Variants in CACNA2D2 observed in about 807,000 individuals in gnomAD.
CACNA2D2 encodes the protein calcium voltage-gated channel auxiliary subunit alpha2delta 2, also known as voltage-dependent calcium channel subunit alpha-2/delta-2.
A neutral mutation model predicts 166.4 loss-of-function variants in CACNA2D2; 48 were observed. The ratio of observed to expected loss-of-function variants is 0.29; its 90% CI spans 0.23 to 0.37. The LOEUF is 0.37. CACNA2D2 is among the 10% of genes least tolerant of loss of function. The pLI is 1.00. For missense variants in CACNA2D2, 1,122 were observed against 1,433.0 expected, an observed-to-expected ratio of 0.78 and a Z score of 3.50; for synonymous variants, 561 against 573.7, an observed-to-expected ratio of 0.98 and a Z score of 0.32.
At position 50,364,075 on chromosome 3, in the gene CACNA2D2, T is replaced by C. The variant is rs1704077199; in HGVS notation, c.*591A>G. ...CCATCCTCAATGTTCCAGGTGTATA[T>C]GGGGTAGTGTCTGAACTGGTATCAC... On this transcript the variant is annotated 3_prime_UTR_variant, in exon 38 of 38. Coordinates refer to ENST00000424201, the MANE Select transcript of CACNA2D2 (RefSeq NM_006030.4). 1.3e-5 allele frequency: 2 copies of C among 153,838 alleles called. No individual in the cohort carries two copies. Among genetic ancestry groups the C allele is most frequent in the Admixed American group, 1.3e-4 (2 of 15,374 alleles). The allele number at this position is 153,838 out of a possible 1,614,324, so 9.5% of individuals were successfully genotyped here.
At chr3:50,429,266 G>C (rs773335942) in intron 3 of CACNA2D2, among the ~76,000 whole-genome samples, 2 of 152,000 alleles carry the variant, frequency 1.3e-5, no homozygotes, top group African/African-American at 4.8e-5. Flanking sequence ...GTGAGACCTG[G>C]AGCAAGTGGC....
At chr3:50,503,186 C>G in intron 1 of CACNA2D2, 32 bp downstream of exon 1, 3 of 1,165,680 alleles carry the variant, frequency 2.6e-6, no homozygotes, top group Non-Finnish European at 3.2e-6. Flanking sequence ...CAAGGCTCGG[C>G]CGGGGTCTCG....
At position 50,382,886 on chromosome 3, in the gene CACNA2D2, GC is replaced by G. The variant is rs587639258; in HGVS notation, c.652+1309del. 4.0e-3 allele frequency among the ~76,000 whole-genome samples: 614 copies of G among 152,206 alleles called. 5 individuals carry two copies. The highest frequency in any genetic ancestry group is 0.014 in the Middle Eastern group (4 of 294). On this transcript the variant is annotated intron_variant, in intron 6 of 37. Transcript: ENST00000424201. Reference sequence around the variant, plus strand: ...CATGCAGGTACCTGTGACCCCACACGCGCTTACCCATACACGGCAAGGCACA... The same window carrying G: ...CATGCAGGTACCTGTGACCCCACACGGCTTACCCATACACGGCAAGGCACA...
intron 2 of CACNA2D2, among the ~76,000 whole-genome samples, chr3:50,441,539 C>A (rs1020827935): frequency 2.0e-5 from 3 of 152,258 alleles, no homozygotes; most frequent in Non-Finnish European, 4.4e-5. Flanking sequence ...TCTGTGCCAA[C>A]CTCCCTGTGC....
chr3:50,468,480 C>T (rs1371992664), intron 2 of CACNA2D2, among the ~76,000 whole-genome samples: 1 of 144,062 alleles, frequency 6.9e-6, no homozygotes, highest in Non-Finnish European at 1.5e-5. Context: ...TGCTGATCCC[C>T]AAGATGGAAG....
At position 50,375,659 on chromosome 3, in the gene CACNA2D2, C is replaced by T. The variant is rs779310702; in HGVS notation, c.1892G>A (p.Arg631Lys). 6.2e-7 allele frequency: 1 copy of T among 1,613,326 alleles called. No homozygotes were observed. Among genetic ancestry groups the T allele is most frequent in the Non-Finnish European group, 8.5e-7 (1 of 1,179,932 alleles). ...CCTCACTTACCTGTAGTTAGTGCTCCTTATAGGCACCCAGGTGTAGTTCCG... is the reference window on the plus strand; with the variant it reads ...CCTCACTTACCTGTAGTTAGTGCTCTTTATAGGCACCCAGGTGTAGTTCCG... ...VTRNYTWVPI[R>K]STNYSLGLVL... The change falls in exon 21 of 38, where the codon AGG becomes AAG. Residue 631 changes from arginine to lysine, a missense_variant. Arg to Lys is a conservative substitution (Grantham distance 26). Transcript: ENST00000424201. This position sits in a 1 kb window ranked among gnomAD's most constrained non-coding sequence, Gnocchi z 4.0.
chr3:50,410,485 G>GT lies in CACNA2D2; in HGVS notation c.406-16318_406-16317insA, dbSNP rs1021271377. Among the ~76,000 whole-genome samples, 21 of 152,022 alleles carry GT rather than the reference G, an allele frequency of 1.4e-4. 1 individual carries two copies. The highest frequency in any genetic ancestry group is 5.1e-4 in the African/African-American group (21 of 41,360). On this transcript the variant is annotated intron_variant, in intron 3 of 37. Transcript: ENST00000424201. ...GAGCTGGGTGCTCCCTGGGATGGGG[G>GT]GGGGGGTGTTGTCTTTGTGCCCCAG...
chr3:50,434,459 C>A (rs1235897314), intron 2 of CACNA2D2, 30 bp from the exon 3 acceptor site: 6 of 1,535,342 alleles, frequency 3.9e-6, no homozygotes, highest in South Asian at 2.2e-5. Context: ...AGGGGTGAGA[C>A]CAGGTGGTCC....
Position 50,366,511 on chromosome 3 carries a change from C to T in CACNA2D2, c.2637+67G>A, listed in dbSNP as rs150315128. On this transcript the variant is annotated intron_variant, in intron 30 of 37. Coordinates refer to ENST00000424201, the MANE Select transcript of CACNA2D2 (RefSeq NM_006030.4). The surrounding 1 kb of genome is among the most constrained non-coding windows in gnomAD (Gnocchi z 5.9). Reference sequence around the variant, plus strand: ...AGGCCAAGGGATGTGCTGGGAGTCGCGGCTGGGACTAGGAAGTCTGGAAGT... The same window carrying T: ...AGGCCAAGGGATGTGCTGGGAGTCGTGGCTGGGACTAGGAAGTCTGGAAGT... The T allele has an allele frequency of 8.6e-5, 135 of 1,566,744 alleles. No homozygotes were observed. Among genetic ancestry groups the T allele is most frequent in the African/African-American group, 6.2e-4 (46 of 74,046 alleles).
intron 1 of CACNA2D2, among the ~76,000 whole-genome samples, chr3:50,493,835 A>AG (rs1335485767): frequency 6.6e-6 from 1 of 152,196 alleles, no homozygotes; most frequent in African/African-American, 2.4e-5. Context: ...TTGGTCAGGA[A>AG]GGCTCCTGCC....
intron 1 of CACNA2D2, among the ~76,000 whole-genome samples, chr3:50,488,980 A>G (rs965119771): frequency 4.6e-5 from 7 of 152,172 alleles, no homozygotes; most frequent in Non-Finnish European, 1.0e-4. Context: ...GATTATAGGC[A>G]TGAGCCACCG....
chr3:50,451,154 T>C, intron 2 of CACNA2D2, among the ~76,000 whole-genome samples: 1 of 151,738 alleles, frequency 6.6e-6, no homozygotes, highest in East Asian at 1.9e-4. Context: ...AGACGGAGTT[T>C]CACTTTTGTT....
chr3:50,478,677 T>A (rs1204686411), intron 1 of CACNA2D2, among the ~76,000 whole-genome samples: 1 of 152,196 alleles, frequency 6.6e-6, no homozygotes, highest in East Asian at 1.9e-4. Context: ...CTGTACAAGG[T>A]CACCTATCCA....
chr3:50,440,216 C>A (rs1255280691), intron 2 of CACNA2D2, among the ~76,000 whole-genome samples: 1 of 152,224 alleles, frequency 6.6e-6, no homozygotes, highest in Non-Finnish European at 1.5e-5. Context: ...TGACTGGCAG[C>A]TCCCCAGGAG....
chr3:50,382,977 C>T (rs969920905), intron 6 of CACNA2D2, among the ~76,000 whole-genome samples: 13 of 152,236 alleles, frequency 8.5e-5, no homozygotes, highest in African/African-American at 2.9e-4. Flanking sequence ...CGCACAGACC[C>T]GTACCCACCT....
At chr3:50,438,764 G>A (rs929014126) in intron 2 of CACNA2D2, among the ~76,000 whole-genome samples, 2 of 152,182 alleles carry the variant, frequency 1.3e-5, no homozygotes, top group Non-Finnish European at 2.9e-5. Flanking sequence ...AGGGAGCCCA[G>A]ACCTGAGCTA....
chr3:50,377,197 G>T (rs1045608164), intron 17 of CACNA2D2, among the ~76,000 whole-genome samples: 1 of 152,180 alleles, frequency 6.6e-6, no homozygotes, highest in Non-Finnish European at 1.5e-5. Flanking sequence ...TTTGTTTGTG[G>T]CTGCTTTCAC....
At chr3:50,441,268 C>G (rs1289837771) in intron 2 of CACNA2D2, among the ~76,000 whole-genome samples, 1 of 152,110 alleles carries the variant, frequency 6.6e-6, no homozygotes, top group Non-Finnish European at 1.5e-5. Context: ...GGGCCTGAAG[C>G]CCCCACCACC....
At position 50,381,034 on chromosome 3, in the gene CACNA2D2, C is replaced by T; in HGVS notation, c.745G>A (p.Val249Ile). The change falls in exon 7 of 38, where the codon GTC (valine) becomes ATC (isoleucine). Residue 249 changes from valine (V) to isoleucine (I), a missense_variant. Transcript: ENST00000424201. Reference sequence around the variant, plus strand: ...GTGACTCCTGTGGCGCTGCCGAAGACCTGCCACAGCAGTGTGGGGTCTTGT... The same window carrying T: ...GTGACTCCTGTGGCGCTGCCGAAGATCTGCCACAGCAGTGTGGGGTCTTGT... ...RRQDPTLLWQ[V>I]FGSATGVTRY... 1 of 1,613,690 alleles carries T rather than the reference C, an allele frequency of 6.2e-7. No homozygotes were observed. The highest frequency in any genetic ancestry group is 8.5e-7 in the Non-Finnish European group (1 of 1,179,800).
Sources: allele counts gnomAD v4.1 joint callset (sites outside exome capture counted in the v4.1 genomes callset), GRCh38; gene constraint gnomAD v4.1.1; non-coding constraint Gnocchi (gnomAD v3.1); transcripts MANE v1.5; gene names NCBI Gene and HGNC (gene_info 2026-07-23, HGNC 2026-07-21).